The following ZFYVE21 variants were observed in gnomAD, a reference collection of about 807,000 sequenced individuals.
ZFYVE21 encodes the protein zinc finger FYVE-type containing 21, also known as zinc finger FYVE domain-containing protein 21.
A neutral mutation model predicts 29.5 loss-of-function variants in ZFYVE21; 21 were observed. That is an observed-to-expected ratio of 0.71 (90% CI 0.50 to 1.02). The LOEUF is 1.02. Among genes scored for constraint, ZFYVE21 ranks in the 50% least tolerant of loss-of-function variants. The probability of loss-of-function intolerance (pLI) is 0.00; values close to 1 mark genes in which losing one functional copy is unlikely to be tolerated. For missense variants in ZFYVE21, 326 were observed against 335.4 expected, an observed-to-expected ratio of 0.97 and a Z score of 0.22; for synonymous variants, 151 against 133.8, an observed-to-expected ratio of 1.13 and a Z score of -0.89.
At chr14:103,721,347 C>T (rs917609369) in intron 1 of ZFYVE21, among the ~76,000 whole-genome samples, 15 of 152,250 alleles carry the variant, frequency 9.9e-5, no homozygotes, top group Admixed American at 2.6e-4. Context: ...CGTCTGCATG[C>T]ACCTGCCCTG....
chr14:103,722,831 G>A (rs185748972), intron 1 of ZFYVE21, among the ~76,000 whole-genome samples: 40 of 151,846 alleles, frequency 2.6e-4, no homozygotes, highest in East Asian at 9.7e-4. Flanking sequence ...AAAAATGTTC[G>A]TAGAGACAGG....
Position 103,733,409 on chromosome 14 carries a change from G to T in ZFYVE21, c.*391G>T. 5.1e-6 allele frequency: 1 copy of T among 197,418 alleles called. No individual in the cohort carries two copies. Among genetic ancestry groups the T allele is most frequent in the Non-Finnish European group, 1.0e-5 (1 of 95,682 alleles). The allele number at this position is 197,418 out of a possible 1,614,324, so 12.2% of individuals were successfully genotyped here. ...AACCAGTTTGGGCAGTAGGAACTCA[G>T]GCTTCTGGTCTGCAGTGGAGCCTGT... On this transcript the variant is annotated 3_prime_UTR_variant, in exon 7 of 7. Coordinates refer to ENST00000311141, the MANE Select transcript of ZFYVE21 (RefSeq NM_024071.4).
In ZFYVE21 at chr14:103,715,818, T is replaced by C. The variant is rs1293602267; in HGVS notation, c.-24T>C. The C allele has an allele frequency of 2.2e-6, 3 of 1,341,200 alleles. No individual in the cohort carries two copies. Among genetic ancestry groups the C allele is most frequent in the East Asian group, 3.5e-5 (1 of 28,696 alleles). The allele number at this position is 1,341,200 out of a possible 1,614,324, so 83.1% of individuals were successfully genotyped here. ...GGCGAGGGGCCGGGTGCGGGGCCGC[T>C]GGCCGAGAGGCTGAGGCGGCGTCAT... On this transcript the variant is annotated 5_prime_UTR_variant, in exon 1 of 7. Transcript: ENST00000311141.
intron 1 of ZFYVE21, chr14:103,725,461 T>C (rs1387327993): frequency 3.3e-5 from 5 of 152,284 alleles, no homozygotes; most frequent in African/African-American, 1.2e-4. Context: ...CCACGCTCCA[T>C]TTGGGGCTGC....
chr14:103,728,313 C>G (rs2083947379), intron 3 of ZFYVE21, among the ~76,000 whole-genome samples: 1 of 152,214 alleles, frequency 6.6e-6, no homozygotes, highest in South Asian at 2.1e-4. Context: ...CTCTGGGGAC[C>G]TGGTGTGGGA....
chr14:103,718,239 G>A (rs905787013), intron 1 of ZFYVE21, among the ~76,000 whole-genome samples: 10 of 152,210 alleles, frequency 6.6e-5, no homozygotes, highest in African/African-American at 2.2e-4. Context: ...ATCTGTAAAC[G>A]TGTTGGTCCA....
At chr14:103,721,049 C>T (rs1339898860) in intron 1 of ZFYVE21, among the ~76,000 whole-genome samples, 11 of 152,134 alleles carry the variant, frequency 7.2e-5, no homozygotes, top group Non-Finnish European at 5.9e-5. Flanking sequence ...TGGTCTGAAA[C>T]TCCTGAGCTC....
At chr14:103,730,383 G>A (rs555527791) in intron 5 of ZFYVE21, 18 of 153,382 alleles carry the variant, frequency 1.2e-4, no homozygotes, top group Non-Finnish European at 2.0e-4. Flanking sequence ...ATGCCCAGGT[G>A]CAAAGGGTAG....
chr14:103,721,368 C>T (rs982092831), intron 1 of ZFYVE21, among the ~76,000 whole-genome samples: 2 of 152,244 alleles, frequency 1.3e-5, no homozygotes, highest in African/African-American at 4.8e-5. Flanking sequence ...ATCCTCGCTC[C>T]CTCTTGGCCC....
Position 103,729,121 on chromosome 14 carries a change from T to C in ZFYVE21, c.465T>C (p.Tyr155=). 12 of 1,614,132 alleles carry C rather than the reference T, an allele frequency of 7.4e-6. No individual in the cohort carries two copies. Among genetic ancestry groups the C allele is most frequent in the Non-Finnish European group, 9.3e-6 (11 of 1,180,032 alleles). The change falls in exon 5 of 7, where the codon TAT becomes TAC. Residue 155 remains tyrosine, a synonymous_variant. Coordinates refer to ENST00000311141, the MANE Select transcript of ZFYVE21 (RefSeq NM_024071.4). ...TGTTTCTGGATGGAGACAGCCACTA[T>C]GAAATCGAAATTGTACACATTTCCA... ...RYLFLDGDSH[Y]EIEIVHISTV... is the part of the protein sequence containing the mutation.
In ZFYVE21 at chr14:103,733,015, G is replaced by GTAA. The variant is rs758725751; in HGVS notation, c.703_705dup. 1 of 1,614,170 alleles carries GTAA rather than the reference G, an allele frequency of 6.2e-7. No individual in the cohort carries two copies. The highest frequency in any genetic ancestry group is 1.3e-5 in the African/African-American group (1 of 75,054). On this transcript the variant is annotated inframe_insertion and stop_retained_variant, in exon 7 of 7. Coordinates refer to ENST00000311141, the MANE Select transcript of ZFYVE21 (RefSeq NM_024071.4). ...AGCTCCTCTATGAATCTCGGGACCAGTAACTCTACGTGGGGCTGAGCTTGG... is the reference window on the plus strand; with the variant it reads ...AGCTCCTCTATGAATCTCGGGACCAGTAATAACTCTACGTGGGGCTGAGCTTGG...
intron 1 of ZFYVE21, among the ~76,000 whole-genome samples, chr14:103,717,016 GT>G (rs2151949812): frequency 6.6e-6 from 1 of 152,328 alleles, no homozygotes; most frequent in East Asian, 1.9e-4. Context: ...TTGGAACTAG[GT>G]TCAAGAAGTC....
intron 1 of ZFYVE21, among the ~76,000 whole-genome samples, chr14:103,722,351 C>CT (rs34926725): frequency 0.13 from 14,261 of 108,374 alleles, 1,812 homozygotes; most frequent in African/African-American, 0.24. Context: ...TGGTCTGTCT[C>CT]TTTTTTTTTT....
chr14:103,733,387 C>T lies in ZFYVE21; in HGVS notation c.*369C>T, dbSNP rs1445243855. 1 of 204,636 alleles carries T rather than the reference C, an allele frequency of 4.9e-6. No individual in the cohort carries two copies. The highest frequency in any genetic ancestry group is 1.4e-4 in the East Asian group (1 of 7,182). 12.7% of individuals were successfully genotyped at this position (204,636 alleles called of 1,614,324 possible). On this transcript the variant is annotated 3_prime_UTR_variant, in exon 7 of 7. Coordinates refer to ENST00000311141, the MANE Select transcript of ZFYVE21 (RefSeq NM_024071.4). ...ATTTCATTTAATTCTTCCACAGAAC[C>T]AGTTTGGGCAGTAGGAACTCAGGCT...
rs1417707658 is a variant in ZFYVE21, at chr14:103,732,764, T to C, written c.669+2T>C. 1 of 1,611,632 alleles carries C rather than the reference T, an allele frequency of 6.2e-7. No individual in the cohort carries two copies. Among genetic ancestry groups the C allele is most frequent in the African/African-American group, 1.3e-5 (1 of 74,754 alleles). On this transcript the variant is annotated splice_donor_variant, in intron 6 of 6. Transcript: ENST00000311141. LOFTEE classifies it high-confidence loss of function. ...GCGTGGCTAGTGGCCATGCACAAGGTACCTGAGCCCAGGCCAGGGAGGCTG... is the reference window on the plus strand; with the variant it reads ...GCGTGGCTAGTGGCCATGCACAAGGCACCTGAGCCCAGGCCAGGGAGGCTG...
chr14:103,732,597 C>G (rs1398308930), intron 5 of ZFYVE21, 23 bp from the exon 6 acceptor site: 1 of 1,545,038 alleles, frequency 6.5e-7, no homozygotes, highest in Non-Finnish European at 8.7e-7. Context: ...TTTGGGCCGT[C>G]TTACCTCGTC....
At chr14:103,724,101 G>T (rs1324024584) in intron 1 of ZFYVE21, among the ~76,000 whole-genome samples, 2 of 152,202 alleles carry the variant, frequency 1.3e-5, no homozygotes, top group African/African-American at 2.4e-5. Context: ...GGTGATGGAG[G>T]ATCCGTGGCT....
chr14:103,716,106 C>A lies in ZFYVE21; in HGVS notation c.138+127C>A. ...CGGCCCCTTCCCCAGCCGGCCCCCGCCCCCGCTCTCTCCCAGGTTGGCCGC... is the reference window on the plus strand; with the variant it reads ...CGGCCCCTTCCCCAGCCGGCCCCCGACCCCGCTCTCTCCCAGGTTGGCCGC... On this transcript the variant is annotated intron_variant, in intron 1 of 6. Transcript: ENST00000311141. The surrounding 1 kb of genome is among the most constrained non-coding windows in gnomAD (Gnocchi z 4.8). The A allele has an allele frequency of 1.1e-6, 1 of 940,146 alleles. No homozygotes were observed. Among genetic ancestry groups the A allele is most frequent in the South Asian group, 5.0e-5 (1 of 19,896 alleles). 58.2% of individuals were successfully genotyped at this position (940,146 alleles called of 1,614,324 possible).
Position 103,726,773 on chromosome 14 carries a change from T to A in ZFYVE21, c.139-19T>A. On this transcript the variant is annotated intron_variant, in intron 1 of 6. Transcript: ENST00000311141. ...GAGTGACCAAGCTGCGTTTTAACGCTTTGTCGTGTCTTTCCTAGTGTCGGA... is the reference window on the plus strand; with the variant it reads ...GAGTGACCAAGCTGCGTTTTAACGCATTGTCGTGTCTTTCCTAGTGTCGGA... The A allele has an allele frequency of 6.2e-7, 1 of 1,613,744 alleles. No homozygotes were observed. The highest frequency in any genetic ancestry group is 8.5e-7 in the Non-Finnish European group (1 of 1,179,792).
Sources: allele counts gnomAD v4.1 joint callset (sites outside exome capture counted in the v4.1 genomes callset), GRCh38; gene constraint gnomAD v4.1.1; non-coding constraint Gnocchi (gnomAD v3.1); transcripts MANE v1.5; gene names NCBI Gene and HGNC (gene_info 2026-07-23, HGNC 2026-07-21).